Variants in STK32C observed in about 807,000 individuals in gnomAD.
The protein encoded by STK32C is serine/threonine kinase 32C.
STK32C carries 31 observed loss-of-function variants against 56.5 expected under a neutral mutation model. The ratio of observed to expected loss-of-function variants is 0.55; its 90% confidence interval spans 0.41 to 0.74. The LOEUF (loss-of-function observed/expected upper bound fraction) is 0.74. Among genes scored for constraint, STK32C ranks in the 30% least tolerant of loss-of-function variants. The probability of loss-of-function intolerance (pLI) is 0.00; values close to 1 mark genes in which losing one functional copy is unlikely to be tolerated. For synonymous variants in STK32C, 309 were observed against 289.4 expected, an observed-to-expected ratio of 1.07 and a Z score of -0.69; for missense variants, 544 against 676.9, an observed-to-expected ratio of 0.80 and a Z score of 2.18.
At chr10:132,281,687 C>G (rs1037352001) in intron 1 of STK32C, among the ~76,000 whole-genome samples, 1 of 152,222 alleles carries the variant, frequency 6.6e-6, no homozygotes, top group East Asian at 1.9e-4. Flanking sequence ...CAGGGAGTAT[C>G]CCCCTGGGCC....
exon 2 of STK32C, chr10:132,324,174 C>T: frequency 2.6e-6 from 2 of 769,956 alleles, no homozygotes; most frequent in Non-Finnish European, 2.4e-6. Flanking sequence ...GTCTGAGTCT[C>T]CCTGGGTACT....
At chr10:132,275,765 C>G (rs1477807463) in intron 1 of STK32C, among the ~76,000 whole-genome samples, 1 of 152,206 alleles carries the variant, frequency 6.6e-6, no homozygotes, top group Non-Finnish European at 1.5e-5. Flanking sequence ...TCCCTTCAAA[C>G]GTCCCCTTCC....
intron 1 of STK32C, among the ~76,000 whole-genome samples, chr10:132,298,339 G>C (rs2065815052): frequency 6.6e-6 from 1 of 152,262 alleles, no homozygotes; most frequent in Non-Finnish European, 1.5e-5. Context: ...CTGCGTCTGT[G>C]GGCGCCCTGG....
At chr10:132,300,855 T>G (rs1218982984) in intron 1 of STK32C, among the ~76,000 whole-genome samples, 1 of 152,186 alleles carries the variant, frequency 6.6e-6, no homozygotes, top group Non-Finnish European at 1.5e-5. Flanking sequence ...CGTGCCCAAG[T>G]ATTAGTCAGC....
At chr10:132,272,190 G>A (rs1394077956) in intron 1 of STK32C, among the ~76,000 whole-genome samples, 7 of 152,322 alleles carry the variant, frequency 4.6e-5, no homozygotes, top group East Asian at 3.9e-4. Flanking sequence ...GCAAGGTCAC[G>A]TGGGTGGGCC....
chr10:132,253,763 C>T (rs1483786542), intron 1 of STK32C, among the ~76,000 whole-genome samples: 1 of 152,228 alleles, frequency 6.6e-6, no homozygotes, highest in South Asian at 2.1e-4. Flanking sequence ...ATGGCCAAGA[C>T]GTCACCTCTG....
At chr10:132,309,288 G>A (rs528366306), upstream of STK32C, among the ~76,000 whole-genome samples, 36 of 152,258 alleles carry the variant, frequency 2.4e-4, 1 homozygote, top group South Asian at 7.1e-3. Flanking sequence ...CCCATCCCTT[G>A]GGGACTATAA....
chr10:132,250,624 G>A lies in STK32C; in HGVS notation c.263-4669C>T, dbSNP rs73383235. Among the ~76,000 whole-genome samples the A allele has an allele frequency of 5.9e-3, 842 of 141,922 alleles. 12 individuals are homozygous for A. The highest frequency in any genetic ancestry group is 0.021 in the African/African-American group (777 of 37,366). The allele number at this position is 141,922 out of a possible 152,430, so 93.1% of individuals were successfully genotyped here. On this transcript the variant is annotated intron_variant, in intron 1 of 11. Transcript: ENST00000298630. The stretch of plus-strand genomic sequence containing the variant: ...GAGGGGCTCCGCCCCGAGGCAGGTG[G>A]GTGTGAGGTGCCCGGGACAGGTCAC...
At chr10:132,221,340 C>T (rs1319832660) in intron 10 of STK32C, among the ~76,000 whole-genome samples, 8 of 140,636 alleles carry the variant, frequency 5.7e-5, no homozygotes, top group South Asian at 2.6e-4. Context: ...ACAACTGATG[C>T]TGACGCACCT....
At chr10:132,281,504 G>A (rs1426798493) in intron 1 of STK32C, among the ~76,000 whole-genome samples, 1 of 152,126 alleles carries the variant, frequency 6.6e-6, no homozygotes, top group African/African-American at 2.4e-5. Context: ...AGTGGGCCTG[G>A]ACCAGTGTAT....
At chr10:132,242,020 G>GA (rs2063519426) in intron 2 of STK32C, among the ~76,000 whole-genome samples, 1 of 151,890 alleles carries the variant, frequency 6.6e-6, no homozygotes, top group Non-Finnish European at 1.5e-5. Flanking sequence ...TGAGGAATGA[G>GA]AATCACTTGA....
intron 1 of STK32C, among the ~76,000 whole-genome samples, chr10:132,280,443 C>T (rs373668007): frequency 1.5e-4 from 21 of 144,030 alleles, no homozygotes; most frequent in East Asian, 6.4e-4. Flanking sequence ...TCCGTGATCA[C>T]GCCACTGCAC....
chr10:132,209,132 G>A (rs774285549), intron 10 of STK32C, 31 bp from the exon 11 acceptor site: 6 of 1,602,754 alleles, frequency 3.7e-6, no homozygotes, highest in Non-Finnish European at 3.4e-6. Context: ...GTGAGCGTGG[G>A]GGACGCTGTC....
At position 132,262,278 on chromosome 10, in the gene STK32C, T is replaced by C. The variant is rs1311474355; in HGVS notation, c.263-16323A>G. Among the ~76,000 whole-genome samples the C allele has an allele frequency of 2.0e-5, 3 of 152,158 alleles. No individual in the cohort carries two copies. In the East Asian group the frequency reaches 5.8e-4, roughly 29 times the overall value. ...GAAGCTGGACTTCTGCTTTTCACCA[T>C]ATACAAAAATTAACTCAAGACAAAG... On this transcript the variant is annotated intron_variant, in intron 1 of 11. Transcript: ENST00000298630.
chr10:132,331,807 T>C (rs1296639425), exon 1 of STK32C: 13 of 1,591,550 alleles, frequency 8.2e-6, no homozygotes, highest in Non-Finnish European at 1.1e-5. Context: ...TACTTGCCCG[T>C]CGACCACCAC....
chr10:132,224,610 G>A, intron 7 of STK32C, 87 bp from the exon 8 acceptor site: 1 of 967,330 alleles, frequency 1.0e-6, no homozygotes, highest in East Asian at 2.6e-5. Flanking sequence ...ATCGCCCTGA[G>A]AGGACCCCCT....
intron 1 of STK32C, among the ~76,000 whole-genome samples, chr10:132,259,281 C>T (rs1021501990): frequency 1.7e-4 from 26 of 152,228 alleles, no homozygotes; most frequent in Middle Eastern, 3.2e-3. Context: ...GTGTTCCCAC[C>T]CAAATCTCAT....
intron 1 of STK32C, among the ~76,000 whole-genome samples, chr10:132,263,482 T>G (rs1177864161): frequency 6.6e-6 from 1 of 152,100 alleles, no homozygotes; most frequent in African/African-American, 2.4e-5. Flanking sequence ...AACCAGCCAC[T>G]GGGTACTATG....
At chr10:132,281,938 AC>A (rs2065223391) in intron 1 of STK32C, among the ~76,000 whole-genome samples, 2 of 152,326 alleles carry the variant, frequency 1.3e-5, no homozygotes, top group South Asian at 4.1e-4. Flanking sequence ...GAGCCTGTTC[AC>A]AGGGGCCACT....
Sources: gnomAD v4.1 joint callset for allele counts (sites outside exome capture counted in the v4.1 genomes callset) on GRCh38, gnomAD v4.1.1 for gene constraint, MANE v1.5 for transcripts, NCBI Gene and HGNC (gene_info 2026-07-23, HGNC 2026-07-21) for gene names.